SNTG2: variants seen among roughly 807,000 people sequenced by gnomAD.
SNTG2 encodes the protein syntrophin gamma 2, also known as gamma-2-syntrophin.
Under a neutral mutation model 70.9 loss-of-function variants are expected in SNTG2, and 74 were observed. The ratio of observed to expected loss-of-function variants is 1.04; its 90% CI spans 0.86 to 1.27. The LOEUF (loss-of-function observed/expected upper bound fraction) is 1.27. Among genes scored for constraint, SNTG2 ranks in the 50% most tolerant of loss-of-function variants. The pLI is 0.00. For missense variants in SNTG2, 717 were observed against 690.7 expected (o/e 1.04, Z -0.43); for synonymous variants, 278 against 273.8 (o/e 1.02, Z -0.15).
intron 6 of SNTG2, chr2:1,160,704 A>G (rs907123271): frequency 1.3e-5 from 2 of 152,280 alleles, no homozygotes; most frequent in African/African-American, 2.4e-5. Context: ...GGTGATGAAG[A>G]TGGCATCCTG....
chr2:1,282,216 G>A (rs1287191560), intron 14 of SNTG2, among the ~76,000 whole-genome samples: 1 of 152,130 alleles, frequency 6.6e-6, no homozygotes, highest in East Asian at 1.9e-4. Context: ...CTTCCGCAGC[G>A]AAGTGAATTG....
intron 16 of SNTG2, among the ~76,000 whole-genome samples, chr2:1,347,128 G>A (rs1196177019): frequency 6.6e-6 from 1 of 152,222 alleles, no homozygotes; most frequent in African/African-American, 2.4e-5. Context: ...GGAACAGGAA[G>A]GTGAAGCCCT....
At chr2:1,148,055 C>G (rs1669214793) in intron 6 of SNTG2, among the ~76,000 whole-genome samples, 1 of 152,156 alleles carries the variant, frequency 6.6e-6, no homozygotes, top group Non-Finnish European at 1.5e-5. Context: ...CTGGTGGTTG[C>G]ATTTTTCTGG....
intron 8 of SNTG2, among the ~76,000 whole-genome samples, chr2:1,192,721 G>A (rs1473015855): frequency 6.6e-6 from 1 of 152,034 alleles, no homozygotes; most frequent in Admixed American, 6.6e-5. Flanking sequence ...TGACTTCTCG[G>A]ACTCATCTGA....
intron 13 of SNTG2, among the ~76,000 whole-genome samples, chr2:1,261,034 T>C (rs145260238): frequency 8.5e-5 from 13 of 152,320 alleles, no homozygotes; most frequent in African/African-American, 2.6e-4. Context: ...ATGAAGTATT[T>C]ATGAAATCAT....
chr2:1,245,975 A>T (rs1288648848), intron 11 of SNTG2, among the ~76,000 whole-genome samples: 1 of 152,010 alleles, frequency 6.6e-6, no homozygotes, highest in Non-Finnish European at 1.5e-5. Context: ...GGTCTCGGGG[A>T]AATAAAGTCG....
intron 9 of SNTG2, among the ~76,000 whole-genome samples, chr2:1,222,087 C>CTCTGTCTCTG (rs1675167854): frequency 1.0e-4 from 2 of 19,164 alleles, no homozygotes; most frequent in Non-Finnish European, 2.6e-4. Flanking sequence ...CTGTCTCTGT[C>CTCTGTCTCTG]TCTCTCTGTC....
chr2:963,300 A>G (rs1409239107), intron 1 of SNTG2, among the ~76,000 whole-genome samples: 4 of 151,332 alleles, frequency 2.6e-5, no homozygotes, highest in Non-Finnish European at 4.4e-5. Context: ...AAATTGCATT[A>G]AAGTAGACAG....
chr2:1,173,246 C>T, intron 8 of SNTG2, 63 bp downstream of exon 8: 1 of 1,425,070 alleles, frequency 7.0e-7, no homozygotes, highest in Non-Finnish European at 9.9e-7. Flanking sequence ...CAGAGATAAT[C>T]TCTAGACAGA....
intron 1 of SNTG2, among the ~76,000 whole-genome samples, chr2:956,791 T>C (rs1660177976): frequency 6.6e-6 from 1 of 152,260 alleles, no homozygotes; most frequent in African/African-American, 2.4e-5. Context: ...TGTATGTGTT[T>C]CTATGAACTA....
chr2:1,137,860 ATTAT>A, intron 6 of SNTG2, 51 bp downstream of exon 6: 1 of 1,500,054 alleles, frequency 6.7e-7, no homozygotes, highest in South Asian at 1.1e-5. Context: ...TTGTATTTGA[ATTAT>A]TTGTCTCTAT....
At chr2:966,096 G>A (rs1351530300) in intron 1 of SNTG2, among the ~76,000 whole-genome samples, 1 of 152,194 alleles carries the variant, frequency 6.6e-6, no homozygotes, top group African/African-American at 2.4e-5. Context: ...GCTTCACAGC[G>A]AGTCCTGCCC....
rs149802953 is a variant in SNTG2 at position 955,081 on chromosome 2, C to G, written c.72+4013C>G. Among the ~76,000 whole-genome samples the G allele has an allele frequency of 7.4e-3, 1,125 of 152,310 alleles. 18 individuals are homozygous for G. Among genetic ancestry groups the G allele is most frequent in the African/African-American group, 0.026 (1,067 of 41,564 alleles). On this transcript the variant is annotated intron_variant, in intron 1 of 16. Transcript: ENST00000308624. The stretch of plus-strand genomic sequence containing the variant: ...TAAAGTTATATTTTTAGTGCAAAAA[C>G]TATTAAACTTCACAGTCTGCTAACT...
At chr2:1,242,053 A>AAAT (rs1677087334) in intron 11 of SNTG2, among the ~76,000 whole-genome samples, 1 of 152,152 alleles carries the variant, frequency 6.6e-6, no homozygotes, top group Non-Finnish European at 1.5e-5. Flanking sequence ...AGCAGCTTGG[A>AAAT]GTAGTTTATT....
intron 1 of SNTG2, among the ~76,000 whole-genome samples, chr2:1,051,007 A>G (rs1662025046): frequency 6.6e-6 from 1 of 152,196 alleles, no homozygotes; most frequent in African/African-American, 2.4e-5. Flanking sequence ...ATAAACTGAT[A>G]TTTTTATTAA....
At chr2:1,306,447 C>T (rs1256045854) in intron 14 of SNTG2, among the ~76,000 whole-genome samples, 2 of 152,162 alleles carry the variant, frequency 1.3e-5, no homozygotes, top group Non-Finnish European at 2.9e-5. Context: ...GTTGAAGGCA[C>T]GCATTCAGCT....
intron 1 of SNTG2, among the ~76,000 whole-genome samples, chr2:962,668 A>G (rs759030846): frequency 1.3e-5 from 2 of 152,246 alleles, no homozygotes; most frequent in Non-Finnish European, 1.5e-5. Context: ...CATCTTTGAA[A>G]TAAATAGAAA....
chr2:1,317,682 G>C (rs2148266175), intron 16 of SNTG2, among the ~76,000 whole-genome samples: 1 of 104,064 alleles, frequency 9.6e-6, no homozygotes. Flanking sequence ...CAGCATTGGA[G>C]AAGGTTGGGA....
rs1040105756 is a variant in SNTG2 at position 1,250,043 on chromosome 2, G to A, written c.1005+2600G>A. Among the ~76,000 whole-genome samples, 4 of 152,298 alleles carry A rather than the reference G, an allele frequency of 2.6e-5. No homozygotes were observed. In the South Asian group the frequency reaches 6.2e-4, roughly 24 times the overall value. The stretch of plus-strand genomic sequence containing the variant: ...AGCCACAGGACCAGCCGTGCGTGCC[G>A]GGAAGCCAAAGTCACATTTCTATGT... On this transcript the variant is annotated intron_variant, in intron 12 of 16. Transcript: ENST00000308624.
Sources: allele counts gnomAD v4.1 joint callset (sites outside exome capture counted in the v4.1 genomes callset), GRCh38; gene constraint gnomAD v4.1.1; transcripts MANE v1.5; gene names NCBI Gene and HGNC (gene_info 2026-07-23, HGNC 2026-07-21).